Variants in SLAIN1 observed in about 807,000 individuals in gnomAD.
SLAIN1 encodes the protein SLAIN motif-containing protein 1.
SLAIN1 carries 17 observed loss-of-function variants against 55.4 expected under a neutral mutation model. The observed-to-expected ratio is 0.31, with a 90% confidence interval of 0.21 to 0.46. The LOEUF (loss-of-function observed/expected upper bound fraction) is 0.46, where lower values mean the gene tolerates loss of function less well. Ranked by LOEUF, SLAIN1 falls within the 20% of genes least tolerant of loss-of-function variation. The pLI, the probability that SLAIN1 is intolerant of heterozygous loss-of-function variation, is 1.00. For synonymous variants in SLAIN1, 348 were observed against 337.4 expected, an observed-to-expected ratio of 1.03 and a Z score of -0.35; for missense variants, 682 against 785.1, an observed-to-expected ratio of 0.87 and a Z score of 1.57.
chr13:77,729,135 G>GT (rs148774501), intron 2 of SLAIN1, among the ~76,000 whole-genome samples: 8,414 of 152,204 alleles, frequency 0.055, 309 homozygotes, highest in South Asian at 0.11. Flanking sequence ...CAATGATTTA[G>GT]TACAGTAACA....
chr13:77,744,160 T>C, intron 2 of SLAIN1, 123 bp from the exon 3 acceptor site: 1 of 747,096 alleles, frequency 1.3e-6, no homozygotes, highest in Non-Finnish European at 2.4e-6. Context: ...AATGGTGACA[T>C]GTTGGTGATT....
chr13:77,701,841 T>C (rs1286281779), intron 1 of SLAIN1, among the ~76,000 whole-genome samples: 7 of 150,858 alleles, frequency 4.6e-5, no homozygotes, highest in Non-Finnish European at 7.4e-5. Context: ...TATGTATACA[T>C]GTGCCATGCT....
rs1014043645 is a variant in SLAIN1 at position 77,697,693 on chromosome 13, T to G, written c.-221T>G. Among the ~76,000 whole-genome samples, 2 of 147,988 alleles carry G rather than the reference T, an allele frequency of 1.4e-5. No homozygotes were observed. The highest frequency in any genetic ancestry group is 6.8e-5 in the Admixed American group (1 of 14,696). On this transcript the variant is annotated 5_prime_UTR_variant, in exon 1 of 7. Coordinates refer to ENST00000418532, the MANE Select transcript of SLAIN1 (RefSeq NM_001242868.2). The stretch of plus-strand genomic sequence containing the variant: ...GGAGCCGCCGCGACGCCCAGGGGAC[T>G]GGAGGGACGCACTGAGCATGTGCAG...
chr13:77,702,696 G>C (rs1300548930), intron 1 of SLAIN1, among the ~76,000 whole-genome samples: 1 of 147,854 alleles, frequency 6.8e-6, no homozygotes, highest in Middle Eastern at 3.2e-3. Flanking sequence ...TCCAGATTCA[G>C]AAGTGTTTAC....
rs1050888505 is a variant in SLAIN1, at chr13:77,719,620, A to G, written c.715A>G (p.Thr239Ala). The G allele has an allele frequency of 2.5e-6, 4 of 1,613,476 alleles. No homozygotes were observed. The African/African-American group carries it at 4.0e-5, about 16-fold the overall frequency. The change falls in exon 2 of 7, where the codon ACT becomes GCT. Residue 239 changes from threonine to alanine, a missense_variant. Thr to Ala is a moderately conservative substitution (Grantham distance 58). Transcript: ENST00000418532. ...QWCRHVLDNP[T>A]PEMEAARRSL... The stretch of plus-strand genomic sequence containing the variant: ...GTGTAGACATGTCCTAGATAACCCA[A>G]CTCCTGAGATGGAAGCAGCGAGACG...
At chr13:77,741,375 G>A in intron 2 of SLAIN1, 1 of 987,448 alleles carries the variant, frequency 1.0e-6, no homozygotes, top group Non-Finnish European at 1.2e-6. Flanking sequence ...GACCTACATA[G>A]AAGAGAAGGA....
intron 1 of SLAIN1, among the ~76,000 whole-genome samples, chr13:77,709,693 C>G (rs1012408959): frequency 6.6e-6 from 1 of 152,190 alleles, no homozygotes. Flanking sequence ...CCTTTACAGA[C>G]AAGCTAATGC....
chr13:77,722,703 A>G (rs2091273268), intron 2 of SLAIN1, among the ~76,000 whole-genome samples: 1 of 152,152 alleles, frequency 6.6e-6, no homozygotes, highest in South Asian at 2.1e-4. Flanking sequence ...ATTATGATAG[A>G]AAGTTATATT....
At chr13:77,727,715 C>T (rs147369531) in intron 2 of SLAIN1, among the ~76,000 whole-genome samples, 95 of 152,254 alleles carry the variant, frequency 6.2e-4, no homozygotes, top group Admixed American at 5.1e-3. Context: ...ATGCCTCATC[C>T]CTGCTCCACT....
intron 4 of SLAIN1, among the ~76,000 whole-genome samples, chr13:77,750,641 G>T (rs761748844): frequency 6.6e-6 from 1 of 152,144 alleles, no homozygotes; most frequent in Admixed American, 6.6e-5. Context: ...AATACGAGAC[G>T]TATGATTGTT....
At chr13:77,711,588 C>G (rs904188848) in intron 1 of SLAIN1, among the ~76,000 whole-genome samples, 3 of 152,072 alleles carry the variant, frequency 2.0e-5, no homozygotes, top group Non-Finnish European at 2.9e-5. Context: ...AATTAATAAC[C>G]TATCAACCAA....
At chr13:77,762,763 G>A (rs935215491) in intron 6 of SLAIN1, among the ~76,000 whole-genome samples, 11 of 152,154 alleles carry the variant, frequency 7.2e-5, no homozygotes, top group African/African-American at 2.7e-4. Context: ...ATAAGGTTTT[G>A]AAAATGTCTT....
At chr13:77,742,951 C>G (rs1290284499) in intron 2 of SLAIN1, 6 of 983,232 alleles carry the variant, frequency 6.1e-6, no homozygotes, top group Non-Finnish European at 7.6e-6. Context: ...TTCCCTTTCT[C>G]CTTCTGACAA....
At chr13:77,735,628 G>A (rs1873081880) in intron 2 of SLAIN1, among the ~76,000 whole-genome samples, 1 of 152,004 alleles carries the variant, frequency 6.6e-6, no homozygotes, top group Non-Finnish European at 1.5e-5. Context: ...AATTCTCAGT[G>A]TATATAAATT....
At chr13:77,750,768 A>G (rs536896101) in intron 4 of SLAIN1, among the ~76,000 whole-genome samples, 1 of 152,180 alleles carries the variant, frequency 6.6e-6, no homozygotes, top group Non-Finnish European at 1.5e-5. Flanking sequence ...TGAGAGGTAG[A>G]TACTTCCAGC....
At chr13:77,741,414 C>G in intron 2 of SLAIN1, 1 of 987,380 alleles carries the variant, frequency 1.0e-6, no homozygotes, top group Non-Finnish European at 1.2e-6. Flanking sequence ...TGTTCTGGCT[C>G]CGATTGGGAA....
At chr13:77,738,823 A>C (rs1873266244) in intron 2 of SLAIN1, among the ~76,000 whole-genome samples, 1 of 152,014 alleles carries the variant, frequency 6.6e-6, no homozygotes, top group South Asian at 2.1e-4. Flanking sequence ...TGTACAGTAG[A>C]ATGTATCGAA....
At chr13:77,705,472 A>G (rs2091080153) in intron 1 of SLAIN1, among the ~76,000 whole-genome samples, 2 of 151,986 alleles carry the variant, frequency 1.3e-5, no homozygotes, top group Admixed American at 1.3e-4. Flanking sequence ...CCAATATACC[A>G]TTAATGAAAC....
At chr13:77,747,546 C>A (rs1394724208) in intron 4 of SLAIN1, among the ~76,000 whole-genome samples, 1 of 152,160 alleles carries the variant, frequency 6.6e-6, no homozygotes, top group Non-Finnish European at 1.5e-5. Flanking sequence ...CTTACCTTGT[C>A]CACAGCCTTC....
Sources: allele counts gnomAD v4.1 joint callset (sites outside exome capture counted in the v4.1 genomes callset), GRCh38; gene constraint gnomAD v4.1.1; transcripts MANE v1.5; gene names NCBI Gene and HGNC (gene_info 2026-07-23, HGNC 2026-07-21).